Variants in RASEF observed in about 807,000 individuals in gnomAD.
RASEF encodes the protein ras and EF-hand domain-containing protein.
RASEF carries 68 observed loss-of-function variants against 90.1 expected under a neutral mutation model. The observed-to-expected ratio is 0.75, with a 90% confidence interval of 0.62 to 0.92. RASEF has a LOEUF of 0.92. RASEF is among the 40% of genes least tolerant of loss of function. The probability of loss-of-function intolerance (pLI) is 0.00; values close to 1 mark genes in which losing one functional copy is unlikely to be tolerated. For missense variants in RASEF, 949 were observed against 937.2 expected, an observed-to-expected ratio of 1.01 and a Z score of -0.16; for synonymous variants, 331 against 345.2, an observed-to-expected ratio of 0.96 and a Z score of 0.46.
intron 12 of RASEF, 33 bp from the exon 13 acceptor site, chr9:82,998,479 G>A (rs752292338): frequency 7.4e-7 from 1 of 1,351,354 alleles, no homozygotes; most frequent in Non-Finnish European, 1.1e-6. Context: ...AGAGCACGAT[G>A]TAAATAATTC....
chr9:83,090,601 G>C, the RASEF span, among the ~76,000 whole-genome samples: 2 of 151,798 alleles, frequency 1.3e-5, no homozygotes, highest in Non-Finnish European at 2.9e-5. Flanking sequence ...ATGGGGTTTC[G>C]CCATGTTGGC....
At chr9:83,021,212 A>T (rs535479433) in intron 3 of RASEF, among the ~76,000 whole-genome samples, 1 of 152,328 alleles carries the variant, frequency 6.6e-6, no homozygotes, top group South Asian at 2.1e-4. Context: ...ACCCCTGTGA[A>T]GGCAGGTAGG....
At chr9:83,076,099 C>T in the RASEF span, among the ~76,000 whole-genome samples, 2 of 149,962 alleles carry the variant, frequency 1.3e-5, no homozygotes, top group South Asian at 4.2e-4. Context: ...ACCAGGGAGT[C>T]GAAAGTTGCA....
intron 6 of RASEF, among the ~76,000 whole-genome samples, chr9:83,008,797 G>C (rs80206742): frequency 6.7e-6 from 1 of 149,620 alleles, no homozygotes; most frequent in Admixed American, 6.7e-5. Context: ...CCATGACTAC[G>C]TTAGTGGCAC....
the RASEF span, among the ~76,000 whole-genome samples, chr9:83,183,326 T>G: frequency 6.6e-6 from 1 of 151,982 alleles, no homozygotes; most frequent in Non-Finnish European, 1.5e-5. Context: ...TCCTACATAC[T>G]CTGTATATGG....
the RASEF span, among the ~76,000 whole-genome samples, chr9:83,079,991 G>T: frequency 6.6e-6 from 1 of 152,304 alleles, no homozygotes; most frequent in South Asian, 2.1e-4. Context: ...TAAAATAAGT[G>T]TATAGGTAGA....
chr9:82,988,702 C>T (rs967075572), intron 16 of RASEF, among the ~76,000 whole-genome samples: 13 of 152,068 alleles, frequency 8.5e-5, no homozygotes, highest in Admixed American at 5.2e-4. Context: ...TCATGTGACA[C>T]GCTGGCTCCC....
the RASEF span, among the ~76,000 whole-genome samples, chr9:83,139,250 C>T: frequency 2.0e-5 from 3 of 152,290 alleles, no homozygotes; most frequent in East Asian, 5.8e-4. Context: ...TTGAGATTCA[C>T]TGTTCTAGCA....
intron 4 of RASEF, among the ~76,000 whole-genome samples, chr9:83,014,334 A>AT (rs1331509150): frequency 3.9e-5 from 6 of 152,018 alleles, no homozygotes; most frequent in African/African-American, 1.4e-4. Flanking sequence ...TTCAGAGATG[A>AT]TTTTTTATTT....
rs1475176425 is a variant in RASEF, at chr9:82,980,543, G to C, written c.*2134C>G. On this transcript the variant is annotated 3_prime_UTR_variant, in exon 17 of 17. Transcript: ENST00000376447. ...ACTATGAAAATACTTCTGTATTATG[G>C]TATACTCTTTCACAGATTGTAAAAC... 1 of 152,164 alleles carries C rather than the reference G, an allele frequency of 6.6e-6. No individual in the cohort carries two copies. The highest frequency in any genetic ancestry group is 1.5e-5 in the Non-Finnish European group (1 of 68,034). 9.4% of individuals were successfully genotyped at this position (152,164 alleles called of 1,614,324 possible). A position where few individuals can be genotyped will look rare whatever the true frequency, so the allele number is the denominator to read the frequency against.
chr9:83,036,237 G>A (rs1829739678), intron 1 of RASEF, among the ~76,000 whole-genome samples: 1 of 152,202 alleles, frequency 6.6e-6, no homozygotes. Context: ...AGAAGCTGCA[G>A]ACAGAAAACT....
intron 1 of RASEF, among the ~76,000 whole-genome samples, chr9:83,030,688 C>G (rs1829629522): frequency 6.6e-6 from 1 of 152,178 alleles, no homozygotes; most frequent in South Asian, 2.1e-4. Context: ...TTACAGGGCA[C>G]ACAGGGAGAT....
the RASEF span, among the ~76,000 whole-genome samples, chr9:83,150,379 C>T: frequency 1.3e-5 from 2 of 152,064 alleles, no homozygotes; most frequent in Non-Finnish European, 2.9e-5. Flanking sequence ...ACAACCACCC[C>T]CATAATTAAG....
chr9:83,000,853 A>G (rs1474358791), intron 10 of RASEF, 43 bp downstream of exon 10: 1 of 1,493,890 alleles, frequency 6.7e-7, no homozygotes, highest in Admixed American at 1.7e-5. Context: ...ACAGATTTCA[A>G]TCACGTAGAA....
chr9:83,020,224 T>A (rs1049412769), intron 3 of RASEF, among the ~76,000 whole-genome samples: 4 of 152,022 alleles, frequency 2.6e-5, no homozygotes, highest in Non-Finnish European at 5.9e-5. Flanking sequence ...AAGAAGAAAG[T>A]GAGGGTTCCT....
chr9:83,022,595 G>A (rs1012107923), intron 2 of RASEF, among the ~76,000 whole-genome samples, 169 bp from the exon 3 acceptor site: 25 of 152,112 alleles, frequency 1.6e-4, no homozygotes, highest in African/African-American at 6.0e-4. Flanking sequence ...TTGGCAATTC[G>A]ACCATTTTGG....
At chr9:82,985,204 G>T (rs1648314728) in intron 16 of RASEF, among the ~76,000 whole-genome samples, 1 of 152,158 alleles carries the variant, frequency 6.6e-6, no homozygotes, top group South Asian at 2.1e-4. Flanking sequence ...AACGAAAAGA[G>T]GTTTAATTGG....
At chr9:83,194,799 A>C in the RASEF span, among the ~76,000 whole-genome samples, 1 of 152,108 alleles carries the variant, frequency 6.6e-6, no homozygotes, top group South Asian at 2.1e-4. Context: ...TTGCTGCTCA[A>C]ATTGCTCCAA....
At chr9:83,208,315 G>GA in the RASEF span, among the ~76,000 whole-genome samples, 1 of 152,174 alleles carries the variant, frequency 6.6e-6, no homozygotes, top group South Asian at 2.1e-4. Flanking sequence ...CCCCTTGTGG[G>GA]AGATAAGAAA....
Sources: allele counts gnomAD v4.1 joint callset (sites outside exome capture counted in the v4.1 genomes callset), GRCh38; gene constraint gnomAD v4.1.1; transcripts MANE v1.5; gene names NCBI Gene and HGNC (gene_info 2026-07-23, HGNC 2026-07-21).